Variants in CAP2 observed in about 807,000 individuals in gnomAD.
The protein encoded by CAP2 is cyclase associated actin cytoskeleton regulatory protein 2, also known as adenylyl cyclase-associated protein 2.
Under a neutral mutation model 57.7 loss-of-function variants are expected in CAP2, and 24 were observed. The ratio of observed to expected loss-of-function variants is 0.42; its 90% CI spans 0.30 to 0.58. The LOEUF (loss-of-function observed/expected upper bound fraction) is 0.58, where lower values mean the gene tolerates loss of function less well. Among genes scored for constraint, CAP2 ranks in the 20% least tolerant of loss-of-function variants. The pLI, the probability that CAP2 is intolerant of heterozygous loss-of-function variation, is 0.22. For missense variants in CAP2, 501 were observed against 590.3 expected, an observed-to-expected ratio of 0.85 and a Z score of 1.57; for synonymous variants, 194 against 207.2, an observed-to-expected ratio of 0.94 and a Z score of 0.55.
chr6:17,526,802 A>G (rs1328652605), intron 7 of CAP2, among the ~76,000 whole-genome samples: 2 of 151,740 alleles, frequency 1.3e-5, no homozygotes, highest in Non-Finnish European at 2.9e-5. Context: ...TACTAAAAAT[A>G]CAAAATTAGC....
chr6:17,439,761 G>A (rs1258176036), intron 3 of CAP2, among the ~76,000 whole-genome samples: 1 of 151,318 alleles, frequency 6.6e-6, no homozygotes, highest in Admixed American at 6.6e-5. Flanking sequence ...TCTCACAGGT[G>A]GTGGAGCTCG....
intron 7 of CAP2, among the ~76,000 whole-genome samples, chr6:17,526,224 TCTC>T (rs1224000252): frequency 6.6e-6 from 1 of 151,900 alleles, no homozygotes; most frequent in African/African-American, 2.4e-5. Flanking sequence ...TTCAAGCTAT[TCTC>T]CTGCCTCAGC....
chr6:17,401,780 T>C (rs1317123730), intron 1 of CAP2, among the ~76,000 whole-genome samples: 4 of 152,194 alleles, frequency 2.6e-5, no homozygotes, highest in Non-Finnish European at 4.4e-5. Flanking sequence ...TTCTTAGTAC[T>C]CCTCTCTGTG....
At position 17,403,735 on chromosome 6, in the gene CAP2, A is replaced by T. The variant is rs74328851; in HGVS notation, c.-2+9989A>T. On this transcript the variant is annotated intron_variant, in intron 1 of 12. Coordinates refer to ENST00000229922, the MANE Select transcript of CAP2 (RefSeq NM_006366.3). ...AAATTAAGATAAACTTCTGTAGGGC[A>T]AGAAGCGTGGAAATATAAGTTCAAG... Among the ~76,000 whole-genome samples the T allele has an allele frequency of 4.3e-3, 648 of 152,324 alleles. 6 individuals carry two copies. The highest frequency in any genetic ancestry group is 0.015 in the African/African-American group (617 of 41,564).
chr6:17,414,334 C>T (rs925547322), intron 1 of CAP2, among the ~76,000 whole-genome samples: 1 of 151,698 alleles, frequency 6.6e-6, no homozygotes, highest in African/African-American at 2.4e-5. Context: ...CATGCAGGTT[C>T]GTTACATAGG....
chr6:17,522,505 C>T (rs1762416034), intron 7 of CAP2, among the ~76,000 whole-genome samples: 1 of 152,144 alleles, frequency 6.6e-6, no homozygotes, highest in Non-Finnish European at 1.5e-5. Flanking sequence ...CCTGGGTGGG[C>T]ACGAAGAGCC....
At chr6:17,516,127 G>A (rs902854597) in intron 7 of CAP2, among the ~76,000 whole-genome samples, 4 of 152,126 alleles carry the variant, frequency 2.6e-5, no homozygotes, top group African/African-American at 4.8e-5. Flanking sequence ...AACTTCCATT[G>A]ATCTCCATCA....
At position 17,424,022 on chromosome 6, in the gene CAP2, C is replaced by T. The variant is rs1056302663; in HGVS notation, c.121+2346C>T. The stretch of plus-strand genomic sequence containing the variant: ...TTCTATTTTTAACAAATCCGCCGAA[C>T]AACCTTTTACCTTACATGTAAACAT... On this transcript the variant is annotated intron_variant, in intron 2 of 12. Transcript: ENST00000229922. Among the ~76,000 whole-genome samples the T allele has an allele frequency of 5.3e-5, 8 of 152,242 alleles. No homozygotes were observed. The East Asian group carries it at 1.4e-3, about 26-fold the overall frequency.
chr6:17,451,787 G>A (rs1760410630), intron 3 of CAP2, among the ~76,000 whole-genome samples: 1 of 152,154 alleles, frequency 6.6e-6, no homozygotes, highest in Non-Finnish European at 1.5e-5. Flanking sequence ...TGGGATTACA[G>A]GCGTGAGCCA....
intron 7 of CAP2, among the ~76,000 whole-genome samples, chr6:17,529,368 G>T (rs1045741320): frequency 6.6e-6 from 1 of 152,052 alleles, no homozygotes; most frequent in South Asian, 2.1e-4. Context: ...CTGTCTGGGC[G>T]TGGTGGCTCA....
intron 4 of CAP2, among the ~76,000 whole-genome samples, chr6:17,499,005 AG>A (rs1761735086): frequency 2.0e-5 from 3 of 152,098 alleles, no homozygotes; most frequent in African/African-American, 4.8e-5. Flanking sequence ...CTGTGATTAC[AG>A]GCGTGAGCCA....
intron 2 of CAP2, 92 bp from the exon 3 acceptor site, chr6:17,426,498 G>C (rs1581507680): frequency 8.0e-6 from 7 of 878,412 alleles, no homozygotes; most frequent in Non-Finnish European, 1.4e-5. Flanking sequence ...GACTCCCAAA[G>C]TGCTAGGATT....
chr6:17,405,333 G>A (rs900564343), intron 1 of CAP2, among the ~76,000 whole-genome samples: 1 of 152,168 alleles, frequency 6.6e-6, no homozygotes, highest in Non-Finnish European at 1.5e-5. Flanking sequence ...AGTGAGCTGA[G>A]ATTGCACCAC....
In CAP2 at chr6:17,426,631, A is replaced by G; in HGVS notation, c.163A>G (p.Ser55Gly). The change falls in exon 3 of 13, where the codon AGT becomes GGT. Residue 55 changes from serine to glycine, a missense_variant. Physicochemically the swap from Ser to Gly is moderately conservative, Grantham distance 56. Transcript: ENST00000229922. ...GGAAGCCTTTGACAAGCTGATGGAC[A>G]GTATGGTGGCCGAGTTTTTAAAGAA... The part of the protein sequence containing the change: ...SVEAFDKLMD[S>G]MVAEFLKNSR... 1 of 1,614,090 alleles carries G rather than the reference A, an allele frequency of 6.2e-7. No individual in the cohort carries two copies. The highest frequency in any genetic ancestry group is 2.2e-5 in the East Asian group (1 of 44,878).
intron 1 of CAP2, among the ~76,000 whole-genome samples, chr6:17,396,321 A>G (rs1490183166): frequency 6.6e-6 from 1 of 152,202 alleles, no homozygotes; most frequent in Non-Finnish European, 1.5e-5. Flanking sequence ...AAATTAAAAC[A>G]TATGCTCACA....
At chr6:17,483,217 G>A (rs751728386) in intron 4 of CAP2, among the ~76,000 whole-genome samples, 1 of 152,082 alleles carries the variant, frequency 6.6e-6, no homozygotes, top group Non-Finnish European at 1.5e-5. Context: ...GTTGTGTCTT[G>A]TTTTCTTATT....
At chr6:17,426,772 A>C in intron 3 of CAP2, 82 bp downstream of exon 3, 1 of 876,902 alleles carries the variant, frequency 1.1e-6, no homozygotes, top group Admixed American at 1.9e-5. Flanking sequence ...GCCTGAGGAG[A>C]TCTTTATTTA....
At chr6:17,494,115 C>T (rs1024053969) in intron 4 of CAP2, among the ~76,000 whole-genome samples, 6 of 152,194 alleles carry the variant, frequency 3.9e-5, no homozygotes, top group East Asian at 1.9e-4. Flanking sequence ...GCAGTAGTCT[C>T]GAATACGATG....
chr6:17,416,858 T>C (rs764824530), intron 1 of CAP2, among the ~76,000 whole-genome samples: 2 of 152,154 alleles, frequency 1.3e-5, no homozygotes, highest in East Asian at 1.9e-4. Flanking sequence ...TTTGGGAAAC[T>C]GAAATGGGAG....
Sources: gnomAD v4.1 joint callset for allele counts (sites outside exome capture counted in the v4.1 genomes callset) on GRCh38, gnomAD v4.1.1 for gene constraint, MANE v1.5 for transcripts, NCBI Gene and HGNC (gene_info 2026-07-23, HGNC 2026-07-21) for gene names.